Variants in UTP18 observed in about 807,000 individuals in gnomAD.
UTP18 encodes the protein UTP18 small subunit processome component.
Under a neutral mutation model 61.1 loss-of-function variants are expected in UTP18, and 36 were observed. The ratio of observed to expected loss-of-function variants is 0.59; its 90% CI spans 0.45 to 0.78. UTP18 has a LOEUF of 0.78. Ranked by LOEUF, UTP18 falls within the 30% of genes least tolerant of loss-of-function variation. The pLI is 0.00. For missense variants in UTP18, 753 were observed against 693.9 expected (o/e 1.09, Z -0.96); for synonymous variants, 282 against 251.1 (o/e 1.12, Z -1.16).
In UTP18 at chr17:51,275,864, A is replaced by G; in HGVS notation, c.712-2A>G. The stretch of plus-strand genomic sequence containing the variant: ...TAAAATCCCAGCTTTCATTTCCTAT[A>G]GATGAAGAACTGCCAGCATGCGAAT... On this transcript the variant is annotated splice_acceptor_variant, in intron 5 of 13. Transcript: ENST00000225298. LOFTEE classifies it high-confidence loss of function. The G allele has an allele frequency of 1.3e-6, 2 of 1,593,882 alleles. No homozygotes were observed. Among genetic ancestry groups the G allele is most frequent in the Admixed American group, 1.8e-5 (1 of 54,310 alleles).
intron 4 of UTP18, among the ~76,000 whole-genome samples, chr17:51,270,244 A>C (rs1023352067): frequency 6.6e-6 from 1 of 152,102 alleles, no homozygotes; most frequent in Admixed American, 6.6e-5. Context: ...CTCTACTCCT[A>C]CGGTTTGAAA....
In UTP18 at chr17:51,266,287, G is replaced by A. The variant is rs572425345; in HGVS notation, c.554+7G>A. On this transcript the variant is annotated splice_region_variant and intron_variant, in intron 3 of 13. Transcript: ENST00000225298. ...AAAAGAGACTTAAAGAAGAGTAAGTGTCTTTTTTCATATGATTTACCAAGA... is the reference window on the plus strand; with the variant it reads ...AAAAGAGACTTAAAGAAGAGTAAGTATCTTTTTTCATATGATTTACCAAGA... 1.1e-5 allele frequency: 17 copies of A among 1,573,408 alleles called. No homozygotes were observed. In the South Asian group the frequency reaches 1.5e-4, roughly 14 times the overall value.
At chr17:51,271,761 G>C (rs1185165511) in intron 4 of UTP18, among the ~76,000 whole-genome samples, 4 of 151,994 alleles carry the variant, frequency 2.6e-5, no homozygotes, top group Non-Finnish European at 5.9e-5. Context: ...TCTGCCTCCT[G>C]AGTTCAAATG....
chr17:51,280,030 C>T lies in UTP18; in HGVS notation c.1038C>T (p.Ser346=). 1.9e-6 allele frequency: 3 copies of T among 1,613,840 alleles called. No homozygotes were observed. Among genetic ancestry groups the T allele is most frequent in the Non-Finnish European group, 2.5e-6 (3 of 1,179,862 alleles). The change falls in exon 8 of 14, where the codon AGC becomes AGT. Residue 346 remains serine (S), a synonymous_variant. Transcript: ENST00000225298. ...VRGLKEKIVR[S]FEVSPDGSFL... ...GTTTGAAAGAGAAGATAGTGAGGAG[C>T]TTTGAAGTCTCCCCAGATGGGTCCT...
chr17:51,285,222 CT>C, intron 9 of UTP18, 22 bp from the exon 10 acceptor site: 1 of 1,609,858 alleles, frequency 6.2e-7, no homozygotes, highest in Non-Finnish European at 8.5e-7. Context: ...ATTAACAACT[CT>C]TTTTTTCGCT....
At chr17:51,278,258 A>G (rs766975154) in intron 7 of UTP18, among the ~76,000 whole-genome samples, 5 of 152,124 alleles carry the variant, frequency 3.3e-5, no homozygotes, top group Non-Finnish European at 5.9e-5. Flanking sequence ...CTGATTCTGT[A>G]GGTCTTAGGT....
intron 10 of UTP18, among the ~76,000 whole-genome samples, chr17:51,286,985 C>CG (rs913386052): frequency 2.7e-5 from 4 of 148,692 alleles, no homozygotes; most frequent in Non-Finnish European, 4.4e-5. Flanking sequence ...CCTTCCCCCC[C>CG]CGACCCACAG....
rs1597857011 is a variant in UTP18, at chr17:51,297,873, T to C, written c.*106T>C. 1 of 353,026 alleles carries C rather than the reference T, an allele frequency of 2.8e-6. No homozygotes were observed. The allele number at this position is 353,026 out of a possible 1,614,324, so 21.9% of individuals were successfully genotyped here. A position where few individuals can be genotyped will look rare whatever the true frequency, so the allele number is the denominator to read the frequency against. ...TAATATATGGAAAATGATTTATAGA[T>C]CCAGCTGTGCTTAAGAGCCAGTAAT... is the stretch of plus-strand genomic sequence containing the variant. On this transcript the variant is annotated 3_prime_UTR_variant, in exon 14 of 14. Transcript: ENST00000225298.
chr17:51,297,193 A>G (rs1401121979), intron 13 of UTP18, among the ~76,000 whole-genome samples, 190 bp downstream of exon 13: 1 of 152,134 alleles, frequency 6.6e-6, no homozygotes, highest in Non-Finnish European at 1.5e-5. Flanking sequence ...TCTTATCCCA[A>G]ATCACAGCAA....
In UTP18 at chr17:51,292,718, G is replaced by C. The variant is rs893501502; in HGVS notation, c.1504-1185G>C. ...TTACAATTGTGGCCTAAAGGTAACT[G>C]CTTCCATACCTGGGTTTTATTCATC... On this transcript the variant is annotated intron_variant, in intron 11 of 13. Transcript: ENST00000225298. Among the ~76,000 whole-genome samples, 3 of 152,210 alleles carry C rather than the reference G, an allele frequency of 2.0e-5. No individual in the cohort carries two copies. The South Asian group carries it at 6.2e-4, about 32-fold the overall frequency.
intron 3 of UTP18, 74 bp downstream of exon 3, chr17:51,266,354 C>T: frequency 9.8e-7 from 1 of 1,019,906 alleles, no homozygotes; most frequent in Non-Finnish European, 1.4e-6. Context: ...GTAACCGCTT[C>T]TTGTGTAGTT....
chr17:51,292,016 T>C (rs1246985597), intron 11 of UTP18, among the ~76,000 whole-genome samples: 1 of 152,184 alleles, frequency 6.6e-6, no homozygotes, highest in Non-Finnish European at 1.5e-5. Context: ...TGTTCATAGT[T>C]GGGGCATGCT....
intron 3 of UTP18, among the ~76,000 whole-genome samples, chr17:51,266,986 A>G (rs2055567983): frequency 6.6e-6 from 1 of 152,018 alleles, no homozygotes; most frequent in African/African-American, 2.4e-5. Flanking sequence ...GGCATGTACC[A>G]CCTTAATTTT....
intron 2 of UTP18, among the ~76,000 whole-genome samples, chr17:51,264,044 T>C (rs1024353351): frequency 1.3e-5 from 2 of 151,280 alleles, no homozygotes; most frequent in African/African-American, 4.9e-5. Flanking sequence ...TTTTTTTTAA[T>C]TATTTTTTTT....
At chr17:51,295,260 A>G (rs1346336805) in intron 12 of UTP18, among the ~76,000 whole-genome samples, 1 of 152,098 alleles carries the variant, frequency 6.6e-6, no homozygotes, top group East Asian at 1.9e-4. Context: ...TGTTTTAGAC[A>G]TGAAGTCCTT....
In UTP18 at chr17:51,260,696, C is replaced by A. The variant is rs1315086286; in HGVS notation, c.112C>A (p.Pro38Thr). ...DWKAGAGPGG[P>T]PQKPAPSSQR... ...GAAAGCCGGAGCGGGGCCAGGCGGG[C>A]CTCCCCAAAAGCCTGCCCCTTCATC... Residue 38 changes from proline (P) to threonine (T), a missense_variant, in exon 1 of 14, where the codon CCT becomes ACT. By Grantham distance (38) the Pro-to-Thr change is conservative. Coordinates refer to ENST00000225298, the MANE Select transcript of UTP18 (RefSeq NM_016001.3). 1.9e-6 allele frequency: 3 copies of A among 1,605,698 alleles called. No individual in the cohort carries two copies. The highest frequency in any genetic ancestry group is 2.5e-6 in the Non-Finnish European group (3 of 1,177,172).
chr17:51,291,063 A>G (rs1014070621), intron 11 of UTP18, among the ~76,000 whole-genome samples: 5 of 152,306 alleles, frequency 3.3e-5, no homozygotes, highest in Non-Finnish European at 5.9e-5. Flanking sequence ...TTACTTGTTG[A>G]ATTTTGATAT....
chr17:51,284,904 T>C lies in UTP18; in HGVS notation c.1205-341T>C, dbSNP rs558883032. Among the ~76,000 whole-genome samples the C allele has an allele frequency of 5.3e-5, 8 of 151,848 alleles. No homozygotes were observed. In the East Asian group the frequency reaches 1.5e-3, roughly 29 times the overall value. ...GGTGAAACCCTGTCTCTACTAAAAA[T>C]ACAAAAATTAACTACGCATGGTGGC... On this transcript the variant is annotated intron_variant, in intron 9 of 13. Transcript: ENST00000225298.
chr17:51,280,022 G>T lies in UTP18; in HGVS notation c.1030G>T (p.Val344Leu). Residue 344 changes from valine to leucine, a missense_variant, in exon 8 of 14, where the codon GTG becomes TTG. By Grantham distance (32) the Val-to-Leu change is conservative (BLOSUM62 1). Coordinates refer to ENST00000225298, the MANE Select transcript of UTP18 (RefSeq NM_016001.3). Reference sequence around the variant, plus strand: ...TATTTTAGGTTTGAAAGAGAAGATAGTGAGGAGCTTTGAAGTCTCCCCAGA... The same window carrying T: ...TATTTTAGGTTTGAAAGAGAAGATATTGAGGAGCTTTGAAGTCTCCCCAGA... The part of the protein sequence containing the change: ...HQVRGLKEKI[V>L]RSFEVSPDGS... 1.2e-5 allele frequency: 19 copies of T among 1,613,520 alleles called. No individual in the cohort carries two copies. The highest frequency in any genetic ancestry group is 1.6e-5 in the Non-Finnish European group (19 of 1,179,732).
Sources: allele counts gnomAD v4.1 joint callset (sites outside exome capture counted in the v4.1 genomes callset), GRCh38; gene constraint gnomAD v4.1.1; transcripts MANE v1.5; gene names NCBI Gene and HGNC (gene_info 2026-07-23, HGNC 2026-07-21).